The following CSNK2A2IP variants were observed in gnomAD, a reference collection of about 807,000 sequenced individuals.
CSNK2A2IP encodes casein kinase II subunit alpha'-interacting protein.
the CSNK2A2IP span, among the ~76,000 whole-genome samples, chr3:88,375,513 G>A: frequency 6.6e-6 from 1 of 151,794 alleles, no homozygotes; most frequent in East Asian, 1.9e-4. Context: ...TGATAGGTCT[G>A]TCAGTGATCT....
At chr3:88,459,302 G>A in the CSNK2A2IP span, among the ~76,000 whole-genome samples, 1 of 151,990 alleles carries the variant, frequency 6.6e-6, no homozygotes, top group African/African-American at 2.4e-5. Flanking sequence ...TGAATTTTTA[G>A]AGATAATTAT....
At chr3:88,453,270 A>C in the CSNK2A2IP span, among the ~76,000 whole-genome samples, 2 of 152,142 alleles carry the variant, frequency 1.3e-5, no homozygotes, top group Non-Finnish European at 2.9e-5. Context: ...TTGAGTTATA[A>C]AAAATTAATA....
the CSNK2A2IP span, among the ~76,000 whole-genome samples, chr3:88,444,641 A>ATGCAT: frequency 2.0e-5 from 3 of 152,220 alleles, no homozygotes; most frequent in African/African-American, 7.2e-5. Context: ...AACTAGTTTA[A>ATGCAT]TGCATTTGGA....
chr3:88,340,971 T>C, the CSNK2A2IP span, among the ~76,000 whole-genome samples: 2 of 151,970 alleles, frequency 1.3e-5, no homozygotes, highest in East Asian at 3.9e-4. Context: ...TATTATTTTA[T>C]GTCAAATTTT....
At chr3:88,421,409 T>G in the CSNK2A2IP span, among the ~76,000 whole-genome samples, 2 of 152,142 alleles carry the variant, frequency 1.3e-5, no homozygotes, top group East Asian at 1.9e-4. Flanking sequence ...TGATTTTCTT[T>G]TATATTTATA....
At chr3:88,395,979 C>T in the CSNK2A2IP span, among the ~76,000 whole-genome samples, 1 of 152,018 alleles carries the variant, frequency 6.6e-6, no homozygotes, top group Non-Finnish European at 1.5e-5. Context: ...CTTGTTTTAT[C>T]CTGGAGTTAC....
At chr3:88,417,189 G>T in the CSNK2A2IP span, among the ~76,000 whole-genome samples, 1 of 152,012 alleles carries the variant, frequency 6.6e-6, no homozygotes, top group African/African-American at 2.4e-5. Context: ...AGAGAAAAAT[G>T]GGAAGGCAAT....
chr3:88,456,365 C>T, the CSNK2A2IP span, among the ~76,000 whole-genome samples: 1 of 151,908 alleles, frequency 6.6e-6, no homozygotes, highest in Non-Finnish European at 1.5e-5. Context: ...TTCACCAATT[C>T]TTTTATCAGT....
the CSNK2A2IP span, among the ~76,000 whole-genome samples, chr3:88,380,914 T>C: frequency 2.0e-5 from 3 of 152,232 alleles, no homozygotes; most frequent in Non-Finnish European, 4.4e-5. Flanking sequence ...GCTAAGTGTT[T>C]AGTTTATTCC....
chr3:88,343,763 C>T, the CSNK2A2IP span, among the ~76,000 whole-genome samples: 95 of 151,872 alleles, frequency 6.3e-4, no homozygotes, highest in African/African-American at 2.1e-3. Context: ...TCATTTAAAT[C>T]CAGATTTTTT....
chr3:88,370,983 C>T, the CSNK2A2IP span, among the ~76,000 whole-genome samples: 2 of 151,676 alleles, frequency 1.3e-5, no homozygotes, highest in Non-Finnish European at 2.9e-5. Flanking sequence ...CAGGAAGAGA[C>T]ACTAGATACT....
the CSNK2A2IP span, among the ~76,000 whole-genome samples, chr3:88,417,212 C>T: frequency 2.0e-5 from 3 of 152,002 alleles, no homozygotes; most frequent in Non-Finnish European, 2.9e-5. Flanking sequence ...AGTTTATTTA[C>T]ACAATATCCA....
chr3:88,446,046 CTTTCTTTCTTT>C, the CSNK2A2IP span, among the ~76,000 whole-genome samples: 1 of 62,196 alleles, frequency 1.6e-5, no homozygotes, highest in Admixed American at 1.5e-4. Context: ...TTCTTTCTTT[CTTTCTTTCTTT>C]CTTTCTTTCT....
the CSNK2A2IP span, among the ~76,000 whole-genome samples, chr3:88,384,684 A>G: frequency 6.6e-6 from 1 of 152,206 alleles, no homozygotes; most frequent in Non-Finnish European, 1.5e-5. Context: ...GTGGCTATAG[A>G]AAATGGCCTA....
At chr3:88,404,476 T>A in the CSNK2A2IP span, among the ~76,000 whole-genome samples, 1 of 152,182 alleles carries the variant, frequency 6.6e-6, no homozygotes, top group African/African-American at 2.4e-5. Context: ...CCAGGCCCAA[T>A]TGGAATAAGT....
the CSNK2A2IP span, among the ~76,000 whole-genome samples, chr3:88,347,282 A>T: frequency 1.3e-5 from 2 of 152,064 alleles, no homozygotes; most frequent in East Asian, 3.8e-4. Flanking sequence ...TTGATAAAGC[A>T]GTAGCAGGGT....
the CSNK2A2IP span, among the ~76,000 whole-genome samples, chr3:88,375,703 A>T: frequency 6.6e-6 from 1 of 151,806 alleles, no homozygotes; most frequent in Non-Finnish European, 1.5e-5. Flanking sequence ...GCTTACATGA[A>T]CAAGAGAAGG....
the CSNK2A2IP span, among the ~76,000 whole-genome samples, chr3:88,347,565 G>A: frequency 6.6e-6 from 1 of 152,008 alleles, no homozygotes; most frequent in Non-Finnish European, 1.5e-5. Flanking sequence ...GCAATAAAGT[G>A]TTTTAGATGA....
the CSNK2A2IP span, among the ~76,000 whole-genome samples, chr3:88,387,840 C>T: frequency 1.3e-5 from 2 of 152,136 alleles, no homozygotes; most frequent in Admixed American, 6.5e-5. Context: ...ATCCTTCTGT[C>T]TCAGCCTCCT....
Sources: allele counts gnomAD v4.1 joint callset (sites outside exome capture counted in the v4.1 genomes callset), GRCh38; gene constraint gnomAD v4.1.1; transcripts MANE v1.5; gene names NCBI Gene and HGNC (gene_info 2026-07-23, HGNC 2026-07-21).